CD200R1L: variants seen among roughly 807,000 people sequenced by gnomAD.
CD200R1L encodes the protein CD200 receptor 1 like.
A neutral mutation model predicts 24.8 loss-of-function variants in CD200R1L; 14 were observed. That is an observed-to-expected ratio of 0.56 (90% CI 0.37 to 0.88). The LOEUF (loss-of-function observed/expected upper bound fraction) is 0.88, where lower values mean the gene tolerates loss of function less well. CD200R1L is among the 40% of genes least tolerant of loss of function. The probability of loss-of-function intolerance (pLI) is 0.00; values close to 1 mark genes in which losing one functional copy is unlikely to be tolerated. For missense variants in CD200R1L, 299 were observed against 297.8 expected (o/e 1.00, Z -0.03); for synonymous variants, 111 against 109.2 (o/e 1.02, Z -0.11).
chr3:112,834,109 G>C (rs10511314), intron 3 of CD200R1L, among the ~76,000 whole-genome samples: 11,328 of 152,068 alleles, frequency 0.074, 469 homozygotes, highest in East Asian at 0.19. Context: ...GTTTGGAAAT[G>C]ATATCTTATG....
chr3:112,831,917 A>G (rs1271183596), intron 3 of CD200R1L, among the ~76,000 whole-genome samples: 1 of 152,236 alleles, frequency 6.6e-6, no homozygotes, highest in Non-Finnish European at 1.5e-5. Context: ...AGGCACCAGT[A>G]ATTTTAAACA....
At chr3:112,841,740 G>A (rs1441551850) in intron 2 of CD200R1L, among the ~76,000 whole-genome samples, 1 of 152,180 alleles carries the variant, frequency 6.6e-6, no homozygotes, top group Non-Finnish European at 1.5e-5. Flanking sequence ...CTCCACCTGG[G>A]TGTTTTGCAG....
At chr3:112,824,998 G>A (rs2107335216) in intron 6 of CD200R1L, among the ~76,000 whole-genome samples, 1 of 152,314 alleles carries the variant, frequency 6.6e-6, no homozygotes, top group African/African-American at 2.4e-5. Context: ...AGCACTTTGG[G>A]AGGCCCAGGC....
At chr3:112,829,235 T>C in intron 4 of CD200R1L, 84 bp downstream of exon 4, 2 of 1,098,768 alleles carry the variant, frequency 1.8e-6, no homozygotes, top group Non-Finnish European at 2.8e-6. Context: ...AAGGCTGGCC[T>C]CCAGCCAGGC....
At chr3:112,822,230 A>G (rs1938553095) in intron 6 of CD200R1L, among the ~76,000 whole-genome samples, 1 of 152,218 alleles carries the variant, frequency 6.6e-6, no homozygotes. Flanking sequence ...GATTTTTCCT[A>G]AACTTCTTGG....
chr3:112,840,217 A>G (rs1939046377), intron 2 of CD200R1L, among the ~76,000 whole-genome samples: 1 of 152,216 alleles, frequency 6.6e-6, no homozygotes, highest in African/African-American at 2.4e-5. Context: ...TTGCACTGCT[A>G]TCAAGAAATA....
chr3:112,836,678 T>C (rs1038111178), intron 3 of CD200R1L, among the ~76,000 whole-genome samples: 3 of 152,262 alleles, frequency 2.0e-5, no homozygotes, highest in Admixed American at 2.0e-4. Flanking sequence ...CTTTTTTCTC[T>C]TTAATCTAAA....
At chr3:112,821,019 T>C (rs1295585662) in intron 6 of CD200R1L, among the ~76,000 whole-genome samples, 1 of 148,472 alleles carries the variant, frequency 6.7e-6, no homozygotes, top group African/African-American at 2.5e-5. Context: ...ATTGCACCAC[T>C]GCACTCCAGC....
chr3:112,824,176 A>G (rs1375474047), intron 6 of CD200R1L, among the ~76,000 whole-genome samples: 1 of 152,200 alleles, frequency 6.6e-6, no homozygotes, highest in African/African-American at 2.4e-5. Flanking sequence ...CAGTAGGGAG[A>G]AAGAAAAAGA....
chr3:112,834,697 G>C (rs1331578528), intron 3 of CD200R1L, among the ~76,000 whole-genome samples: 1 of 152,228 alleles, frequency 6.6e-6, no homozygotes, highest in Non-Finnish European at 1.5e-5. Context: ...CACTTGGCTG[G>C]TGCTATTGGC....
In CD200R1L at chr3:112,820,677, C is replaced by T. The variant is rs549431244; in HGVS notation, c.617-782G>A. ...AACTCCTGACCTCAGGTGATCCGCCCGCCTCAGCCTCCCAAAGTGCTGGGA... is the reference window on the plus strand; with the variant it reads ...AACTCCTGACCTCAGGTGATCCGCCTGCCTCAGCCTCCCAAAGTGCTGGGA... On this transcript the variant is annotated intron_variant, in intron 6 of 7. Transcript: ENST00000488794. Among the ~76,000 whole-genome samples, 20 of 151,946 alleles carry T rather than the reference C, an allele frequency of 1.3e-4. No homozygotes were observed. The South Asian group carries it at 2.1e-3, about 16-fold the overall frequency.
intron 6 of CD200R1L, among the ~76,000 whole-genome samples, chr3:112,820,425 A>G (rs1938506965): frequency 6.6e-6 from 1 of 152,028 alleles, no homozygotes. Flanking sequence ...TAGGAACATC[A>G]TTCTTTTTTT....
chr3:112,826,375 A>G (rs1364076637), intron 6 of CD200R1L, among the ~76,000 whole-genome samples: 1 of 152,094 alleles, frequency 6.6e-6, no homozygotes, highest in Non-Finnish European at 1.5e-5. Context: ...TATTATCCTC[A>G]TTTAACAGAC....
chr3:112,828,393 T>TA (rs200851058), intron 4 of CD200R1L, among the ~76,000 whole-genome samples: 3,402 of 151,422 alleles, frequency 0.022, 47 homozygotes, highest in South Asian at 0.039. Context: ...CCCATGTAAG[T>TA]AAAAAAAAAT....
intron 6 of CD200R1L, 145 bp from the exon 7 acceptor site, chr3:112,820,040 A>T (rs1342725220): frequency 2.9e-6 from 2 of 681,482 alleles, no homozygotes; most frequent in African/African-American, 3.8e-5. Flanking sequence ...TATGACTCAA[A>T]TGTTACTAAT....
intron 2 of CD200R1L, among the ~76,000 whole-genome samples, chr3:112,840,849 A>T (rs952171562): frequency 2.6e-4 from 39 of 152,164 alleles, no homozygotes; most frequent in African/African-American, 5.3e-4. Context: ...AAATATGCTG[A>T]TTGTGACTGT....
intron 2 of CD200R1L, among the ~76,000 whole-genome samples, chr3:112,842,017 G>A (rs1022670043): frequency 1.3e-5 from 2 of 152,186 alleles, no homozygotes; most frequent in African/African-American, 4.8e-5. Context: ...TTAGCCTGTT[G>A]GCCAGCTTCA....
At chr3:112,833,440 C>T (rs990926754) in intron 3 of CD200R1L, among the ~76,000 whole-genome samples, 1 of 152,152 alleles carries the variant, frequency 6.6e-6, no homozygotes, top group Admixed American at 6.5e-5. Context: ...AACTAGTTGC[C>T]TTTTAAAAAA....
chr3:112,818,172 A>G (rs1938441780), intron 7 of CD200R1L, among the ~76,000 whole-genome samples: 1 of 152,178 alleles, frequency 6.6e-6, no homozygotes, highest in Admixed American at 6.5e-5. Context: ...TTAAATAAGA[A>G]AAGTCTTCTT....
Sources: gnomAD v4.1 joint callset for allele counts (sites outside exome capture counted in the v4.1 genomes callset) on GRCh38, gnomAD v4.1.1 for gene constraint, MANE v1.5 for transcripts, NCBI Gene and HGNC (gene_info 2026-07-23, HGNC 2026-07-21) for gene names.